ARMC2: variants seen among roughly 807,000 people sequenced by gnomAD.
ARMC2 encodes the protein armadillo repeat-containing protein 2.
A neutral mutation model predicts 90.3 loss-of-function variants in ARMC2; 67 were observed. That is an observed-to-expected ratio of 0.74 (90% CI 0.61 to 0.91). The LOEUF is 0.91. ARMC2 is among the 40% of genes least tolerant of loss of function. The pLI is 0.00. For missense variants in ARMC2, 920 were observed against 1,030.9 expected (o/e 0.89, Z 1.47); for synonymous variants, 393 against 393.0 (o/e 1.00, Z 0.00).
intron 12 of ARMC2, among the ~76,000 whole-genome samples, chr6:108,947,368 T>C (rs1051075602): frequency 5.9e-5 from 9 of 152,212 alleles, no homozygotes; most frequent in African/African-American, 2.2e-4. Flanking sequence ...TCACCAGTGT[T>C]TGACTTTGGG....
At chr6:108,951,221 A>T (rs1469357888) in intron 12 of ARMC2, among the ~76,000 whole-genome samples, 1 of 152,118 alleles carries the variant, frequency 6.6e-6, no homozygotes, top group Non-Finnish European at 1.5e-5. Flanking sequence ...TTGCCGTTTT[A>T]GTCTTTGCCG....
At chr6:108,849,952 T>C (rs1009332153) in intron 1 of ARMC2, among the ~76,000 whole-genome samples, 1 of 152,188 alleles carries the variant, frequency 6.6e-6, no homozygotes, top group Admixed American at 6.5e-5. Context: ...TGATTCAGAG[T>C]TATGGAAGGG....
intron 12 of ARMC2, among the ~76,000 whole-genome samples, chr6:108,943,076 G>A (rs1162075523): frequency 2.0e-5 from 3 of 152,138 alleles, no homozygotes; most frequent in Non-Finnish European, 2.9e-5. Context: ...CACCAGGGCC[G>A]TTTGCTGTTG....
chr6:108,884,802 A>T (rs951115398), intron 5 of ARMC2, among the ~76,000 whole-genome samples: 1 of 152,118 alleles, frequency 6.6e-6, no homozygotes, highest in Non-Finnish European at 1.5e-5. Flanking sequence ...ACGAATGGGG[A>T]GAGGAGAGCC....
the ARMC2 span, chr6:108,987,722 A>G: frequency 9.1e-6 from 6 of 659,718 alleles, no homozygotes; most frequent in Non-Finnish European, 1.6e-5. Context: ...AAATAAGTAC[A>G]CTTCCTACAC....
At chr6:108,913,831 G>A (rs905840558) in intron 10 of ARMC2, among the ~76,000 whole-genome samples, 9 of 152,098 alleles carry the variant, frequency 5.9e-5, no homozygotes, top group Non-Finnish European at 1.0e-4. Context: ...TCACACTGAT[G>A]TGTTCAGCAC....
chr6:109,008,807 TGC>T, the ARMC2 span: 28 of 985,506 alleles, frequency 2.8e-5, no homozygotes, highest in Non-Finnish European at 3.3e-5. Flanking sequence ...GTAAACGCTG[TGC>T]ATAACGTCAT....
intron 11 of ARMC2, among the ~76,000 whole-genome samples, chr6:108,928,821 C>G (rs73762607): frequency 0.028 from 4,272 of 152,192 alleles, 94 homozygotes; most frequent in African/African-American, 0.062. Flanking sequence ...CCGCGCTGCT[C>G]TTTGTCAGTA....
chr6:108,908,583 C>T (rs1444718552), intron 8 of ARMC2, among the ~76,000 whole-genome samples: 1 of 151,662 alleles, frequency 6.6e-6, no homozygotes. Flanking sequence ...AACATCTCTA[C>T]AAAATGTTGA....
the ARMC2 span, among the ~76,000 whole-genome samples, chr6:109,032,811 A>T: frequency 6.6e-6 from 1 of 152,126 alleles, no homozygotes; most frequent in East Asian, 1.9e-4. Flanking sequence ...CTAAGATAGG[A>T]AGATATACCT....
intron 10 of ARMC2, among the ~76,000 whole-genome samples, chr6:108,927,379 G>A (rs1454505746): frequency 6.6e-6 from 1 of 152,238 alleles, no homozygotes; most frequent in Non-Finnish European, 1.5e-5. Context: ...AACCCAGGCT[G>A]ATGGGTGGTG....
chr6:108,886,450 T>C (rs1308190226), intron 5 of ARMC2, among the ~76,000 whole-genome samples: 2 of 152,146 alleles, frequency 1.3e-5, no homozygotes, highest in Non-Finnish European at 2.9e-5. Context: ...ATGCCTGTAA[T>C]CCCAACTACT....
Position 108,881,085 on chromosome 6 carries a change from A to C in ARMC2, c.671+4735A>C, listed in dbSNP as rs193132399. On this transcript the variant is annotated intron_variant, in intron 5 of 17. Transcript: ENST00000392644. Reference sequence around the variant, plus strand: ...TGGCCAGGATGGTCTTGATCTCCTGACCTTGTGATCTGCCCACCTCAGCCT... The same window carrying C: ...TGGCCAGGATGGTCTTGATCTCCTGCCCTTGTGATCTGCCCACCTCAGCCT... 4.2e-3 allele frequency among the ~76,000 whole-genome samples: 636 copies of C among 151,362 alleles called. 3 individuals are homozygous for C. Among genetic ancestry groups the C allele is most frequent in the African/African-American group, 0.014 (596 of 41,246 alleles).
At chr6:108,967,343 C>A (rs541210978) in intron 17 of ARMC2, among the ~76,000 whole-genome samples, 13 of 152,192 alleles carry the variant, frequency 8.5e-5, no homozygotes, top group Admixed American at 7.2e-4. Flanking sequence ...TTACCCAAGC[C>A]TGGGGCAATC....
intron 11 of ARMC2, among the ~76,000 whole-genome samples, chr6:108,930,088 C>T (rs2128487931): frequency 6.6e-6 from 1 of 150,830 alleles, no homozygotes; most frequent in East Asian, 2.0e-4. Flanking sequence ...GATAGTGCCA[C>T]TTGCACTCCA....
At chr6:108,885,673 C>CAAAAA (rs772185235) in intron 5 of ARMC2, among the ~76,000 whole-genome samples, 1 of 117,470 alleles carries the variant, frequency 8.5e-6, no homozygotes, top group African/African-American at 3.2e-5. Context: ...GACTCTGTCG[C>CAAAAA]AAAAAAAAAA....
At chr6:108,956,218 TGA>T (rs1777573651) in intron 13 of ARMC2, among the ~76,000 whole-genome samples, 1 of 152,214 alleles carries the variant, frequency 6.6e-6, no homozygotes. Flanking sequence ...CACATGGCTG[TGA>T]ACAGCCAAGG....
chr6:108,938,418 T>A (rs1416304512), intron 12 of ARMC2, among the ~76,000 whole-genome samples: 1 of 59,496 alleles, frequency 1.7e-5, no homozygotes, highest in Non-Finnish European at 4.0e-5. Context: ...CTGGCTAATT[T>A]TTTTTTTTTT....
chr6:108,964,326 C>A lies in ARMC2; in HGVS notation c.2285+14C>A. 1 of 1,611,900 alleles carries A rather than the reference C, an allele frequency of 6.2e-7. No individual in the cohort carries two copies. The highest frequency in any genetic ancestry group is 1.1e-5 in the South Asian group (1 of 90,748). ...TGGCATTAAAAAGTAAGTTTCAGGG[C>A]GTAGAGTACTGACTCTCTCAGGATT... On this transcript the variant is annotated intron_variant, in intron 16 of 17. Coordinates refer to ENST00000392644, the MANE Select transcript of ARMC2 (RefSeq NM_032131.6).
Sources: gnomAD v4.1 joint callset for allele counts (sites outside exome capture counted in the v4.1 genomes callset) on GRCh38, gnomAD v4.1.1 for gene constraint, MANE v1.5 for transcripts, NCBI Gene and HGNC (gene_info 2026-07-23, HGNC 2026-07-21) for gene names.